ERI1: variants seen among roughly 807,000 people sequenced by gnomAD.
The protein encoded by ERI1 is exoribonuclease 1, also known as 3'-5' exoribonuclease 1.
ERI1 carries 39 observed loss-of-function variants against 39.7 expected under a neutral mutation model. The observed-to-expected ratio is 0.98, with a 90% CI of 0.76 to 1.28. ERI1 has a LOEUF of 1.28. Among genes scored for constraint, ERI1 ranks in the 50% most tolerant of loss-of-function variants. The pLI is 0.00. For synonymous variants in ERI1, 204 were observed against 149.6 expected (o/e 1.36, Z -2.65); for missense variants, 581 against 416.9 (o/e 1.39, Z -3.43).
At chr8:9,039,839 A>T (rs1280666737) in intron 3 of ERI1, among the ~76,000 whole-genome samples, 1 of 152,194 alleles carries the variant, frequency 6.6e-6, no homozygotes, top group African/African-American at 2.4e-5. Context: ...GATGAAGTAG[A>T]TTCATATTTG....
At position 9,099,890 on chromosome 8, in the gene ERI1, G is replaced by GCT. The variant is rs1418849325; in HGVS notation, n.300-16457_300-16456insTC. 1.9e-3 allele frequency: 284 copies of GCT among 152,240 alleles called. 1 individual carries two copies. The highest frequency in any genetic ancestry group is 6.2e-3 in the African/African-American group (257 of 41,538). The allele number at this position is 152,240 out of a possible 1,614,324, so 9.4% of individuals were successfully genotyped here. A position where few individuals can be genotyped will look rare whatever the true frequency, so the allele number is the denominator to read the frequency against. ...GTGAGTGGAATTGCTGAGTCATGTG[G>GCT]CAAACTACCAGTTCTGTTGAACCTC... On this transcript the variant is annotated intron_variant and non_coding_transcript_variant, in intron 3 of 3. Coordinates refer to the ERI1 transcript ENST00000518663.
chr8:9,041,437 C>T (rs763824139), intron 3 of ERI1, among the ~76,000 whole-genome samples: 6 of 152,124 alleles, frequency 3.9e-5, no homozygotes, highest in Non-Finnish European at 7.4e-5. Flanking sequence ...TAGGTTAGGA[C>T]ACAAAACAAG....
At position 9,054,958 on chromosome 8, in the gene ERI1, A is replaced by G. The variant is rs530415482; in HGVS notation, n.299+34494A>G. Among the ~76,000 whole-genome samples the G allele has an allele frequency of 7.2e-5, 11 of 152,258 alleles. 1 individual carries two copies. Among genetic ancestry groups the G allele is most frequent in the African/African-American group, 2.6e-4 (11 of 41,562 alleles). Reference sequence around the variant, plus strand: ...TAAACAATAAATAAATAAAATCAACACATAATAAATAGAAATGTGATTGGA... The same window carrying G: ...TAAACAATAAATAAATAAAATCAACGCATAATAAATAGAAATGTGATTGGA... On this transcript the variant is annotated intron_variant and non_coding_transcript_variant, in intron 3 of 3. Coordinates refer to the ERI1 transcript ENST00000518663.
chr8:9,050,460 C>T (rs956430259), intron 3 of ERI1, among the ~76,000 whole-genome samples: 2 of 149,828 alleles, frequency 1.3e-5, no homozygotes, highest in Non-Finnish European at 2.9e-5. Flanking sequence ...TGAGCTGAGA[C>T]GGTGCCATTA....
chr8:9,068,840 A>G (rs552721951), intron 3 of ERI1, among the ~76,000 whole-genome samples: 1 of 152,260 alleles, frequency 6.6e-6, no homozygotes, highest in South Asian at 2.1e-4. Flanking sequence ...TTTTTGAGAC[A>G]GGGTCTCTTT....
Position 9,030,056 on chromosome 8 carries a change from A to T in ERI1, c.*22A>T. 6.2e-7 allele frequency: 1 copy of T among 1,608,624 alleles called. No individual in the cohort carries two copies. Among genetic ancestry groups the T allele is most frequent in the Non-Finnish European group, 8.5e-7 (1 of 1,175,520 alleles). On this transcript the variant is annotated 3_prime_UTR_variant, in exon 7 of 7. Coordinates refer to ENST00000250263, the MANE Select transcript of ERI1 (RefSeq NM_153332.4). ...GTAACAACAGTTTTGTGTGTGGATC[A>T]TTCCAATTGAAGTTGCTATGAAGAG...
intron 1 of ERI1, among the ~76,000 whole-genome samples, chr8:9,007,662 C>G (rs1281323167): frequency 2.0e-5 from 3 of 152,148 alleles, no homozygotes; most frequent in Non-Finnish European, 4.4e-5. Flanking sequence ...GCTGCTATTT[C>G]TAGTAAATAG....
intron 3 of ERI1, among the ~76,000 whole-genome samples, chr8:9,052,222 C>T (rs1052247552): frequency 1.3e-5 from 2 of 152,176 alleles, no homozygotes; most frequent in Admixed American, 1.3e-4. Context: ...AGCTACTGCT[C>T]CTAGTACACT....
At chr8:9,074,521 A>C (rs896770674) in intron 3 of ERI1, among the ~76,000 whole-genome samples, 1 of 152,092 alleles carries the variant, frequency 6.6e-6, no homozygotes, top group African/African-American at 2.4e-5. Flanking sequence ...GGCTCACTGC[A>C]GCCTTGACCT....
At chr8:9,070,749 C>T (rs1387305697) in intron 3 of ERI1, among the ~76,000 whole-genome samples, 2 of 152,176 alleles carry the variant, frequency 1.3e-5, no homozygotes, top group East Asian at 1.9e-4. Flanking sequence ...TGGTTCAAGT[C>T]GCATGTCTGT....
At chr8:9,091,895 ATTGTTAAT>A (rs143747729) in intron 3 of ERI1, among the ~76,000 whole-genome samples, 18,210 of 152,164 alleles carry the variant, frequency 0.12, 1,474 homozygotes, top group Middle Eastern at 0.2. Context: ...CAGTAACAAA[ATTGTTAAT>A]TTGTGGATGT....
rs1170915309 is a variant in ERI1, at chr8:9,011,738, C to A, written c.484C>A (p.His162Asn). Residue 162 changes from histidine to asparagine, a missense_variant, in exon 3 of 7, where the codon CAT becomes AAT. His to Asn is a moderately conservative substitution (Grantham distance 68). Transcript: ENST00000250263. ...IEFPVVLLNT[H>N]TLEIEDTFQQ... ...ATTTCCGGTTGTTTTACTGAATACGCATACTTTAGAAATAGTAAGTGAATT... is the reference window on the plus strand; with the variant it reads ...ATTTCCGGTTGTTTTACTGAATACGAATACTTTAGAAATAGTAAGTGAATT... 3 of 1,601,684 alleles carry A rather than the reference C, an allele frequency of 1.9e-6. No individual in the cohort carries two copies. The highest frequency in any genetic ancestry group is 2.6e-6 in the Non-Finnish European group (3 of 1,172,424).
intron 3 of ERI1, among the ~76,000 whole-genome samples, chr8:9,057,930 A>G (rs962769187): frequency 6.6e-6 from 1 of 152,130 alleles, no homozygotes; most frequent in Non-Finnish European, 1.5e-5. Flanking sequence ...AAGCAATCGG[A>G]GTAATAGGAC....
At chr8:9,008,719 CG>C (rs1816320257) in intron 2 of ERI1, among the ~76,000 whole-genome samples, 1 of 151,894 alleles carries the variant, frequency 6.6e-6, no homozygotes, top group Non-Finnish European at 1.5e-5. Flanking sequence ...TAATTTTTTG[CG>C]AAACAAATCA....
At chr8:9,056,842 T>G (rs1798524169) in intron 3 of ERI1, among the ~76,000 whole-genome samples, 1 of 152,188 alleles carries the variant, frequency 6.6e-6, no homozygotes, top group Non-Finnish European at 1.5e-5. Flanking sequence ...CATGTAATTG[T>G]CTGTTTTTTG....
chr8:9,005,460 T>G (rs1367549841), intron 1 of ERI1, among the ~76,000 whole-genome samples: 1 of 152,056 alleles, frequency 6.6e-6, no homozygotes, highest in African/African-American at 2.4e-5. Flanking sequence ...ATACCTGTCT[T>G]TTTGTAAAAG....
At chr8:9,015,195 T>C (rs1359762090) in intron 3 of ERI1, among the ~76,000 whole-genome samples, 1 of 152,218 alleles carries the variant, frequency 6.6e-6, no homozygotes, top group Non-Finnish European at 1.5e-5. Context: ...CAACCATTTA[T>C]AGCTCATCCA....
intron 3 of ERI1, among the ~76,000 whole-genome samples, chr8:9,049,075 A>G (rs1303387790): frequency 2.0e-5 from 3 of 152,072 alleles, no homozygotes; most frequent in Non-Finnish European, 4.4e-5. Context: ...GCAGTGGCTT[A>G]CACCTGTAAT....
chr8:9,038,119 A>G (rs1268640877), downstream of ERI1, among the ~76,000 whole-genome samples: 12 of 152,232 alleles, frequency 7.9e-5, no homozygotes, highest in Admixed American at 7.2e-4. Context: ...GCTTCATTAT[A>G]TAATCAGTGG....
Sources: allele counts gnomAD v4.1 joint callset (sites outside exome capture counted in the v4.1 genomes callset), GRCh38; gene constraint gnomAD v4.1.1; transcripts MANE v1.5; gene names NCBI Gene and HGNC (gene_info 2026-07-23, HGNC 2026-07-21).